The following PPP3CA variants were observed in gnomAD, a reference collection of about 807,000 sequenced individuals.
PPP3CA encodes the protein CAM-PRP catalytic subunit.
A neutral mutation model predicts 66.5 loss-of-function variants in PPP3CA; 14 were observed. That is an observed-to-expected ratio of 0.21 (90% CI 0.14 to 0.33). The LOEUF (loss-of-function observed/expected upper bound fraction) is 0.33. PPP3CA is among the 10% of genes least tolerant of loss of function. The probability of loss-of-function intolerance (pLI) is 1.00; values close to 1 mark genes in which losing one functional copy is unlikely to be tolerated. For synonymous variants in PPP3CA, 232 were observed against 226.2 expected (o/e 1.03, Z -0.23); for missense variants, 317 against 639.5 (o/e 0.50, Z 5.44).
chr4:101,222,250 T>C (rs1363017205), intron 1 of PPP3CA, among the ~76,000 whole-genome samples: 1 of 151,664 alleles, frequency 6.6e-6, no homozygotes, highest in East Asian at 1.9e-4. Context: ...TTCCTTTAGT[T>C]AGGAGAGAAA....
intron 1 of PPP3CA, among the ~76,000 whole-genome samples, chr4:101,334,092 G>T (rs1729545422): frequency 6.6e-6 from 1 of 151,572 alleles, no homozygotes; most frequent in African/African-American, 2.4e-5. Flanking sequence ...CCGAGCAGGA[G>T]ATTATATCAT....
chr4:101,222,230 C>T (rs938430312), intron 1 of PPP3CA, among the ~76,000 whole-genome samples: 7 of 151,566 alleles, frequency 4.6e-5, no homozygotes, highest in Non-Finnish European at 1.0e-4. Flanking sequence ...ATGACAAACA[C>T]ATTGTTCTTT....
At chr4:101,029,347 T>TAAAAAAACAAAAAAA (rs1726816992) in intron 12 of PPP3CA, 152 bp from the exon 13 acceptor site, 1 of 78,822 alleles carries the variant, frequency 1.3e-5, no homozygotes, top group Non-Finnish European at 2.1e-5. Context: ...ACAGAAATGC[T>TAAAAAAACAAAAAAA]AAAAAAAAAA....
chr4:101,139,449 A>T (rs1031247482), intron 2 of PPP3CA, among the ~76,000 whole-genome samples: 1 of 152,138 alleles, frequency 6.6e-6, no homozygotes, highest in Non-Finnish European at 1.5e-5. Context: ...ATGTTCATAC[A>T]AATTTATGCA....
At chr4:101,108,447 C>T (rs551110218) in intron 3 of PPP3CA, among the ~76,000 whole-genome samples, 2 of 152,172 alleles carry the variant, frequency 1.3e-5, no homozygotes, top group African/African-American at 4.8e-5. Context: ...TACTATTTAC[C>T]ATTTTTTGGC....
intron 2 of PPP3CA, among the ~76,000 whole-genome samples, chr4:101,191,868 G>A (rs1288689690): frequency 2.6e-5 from 4 of 152,084 alleles, no homozygotes; most frequent in Admixed American, 1.3e-4. Flanking sequence ...GGCAGGCCCC[G>A]GCACTGAGGG....
At chr4:101,315,590 T>A (rs1728859592) in intron 1 of PPP3CA, among the ~76,000 whole-genome samples, 1 of 152,164 alleles carries the variant, frequency 6.6e-6, no homozygotes, top group African/African-American at 2.4e-5. Context: ...ACAAGAAAGG[T>A]CCTATTCACT....
intron 2 of PPP3CA, among the ~76,000 whole-genome samples, chr4:101,139,695 T>G (rs1250085946): frequency 8.3e-6 from 1 of 120,746 alleles, no homozygotes; most frequent in Non-Finnish European, 1.7e-5. Context: ...GTTTTTTTTG[T>G]GTTTTTTTTT....
chr4:101,126,017 T>A (rs1722234867), intron 2 of PPP3CA, among the ~76,000 whole-genome samples: 1 of 152,182 alleles, frequency 6.6e-6, no homozygotes, highest in South Asian at 2.1e-4. Flanking sequence ...GGAAGAGAGA[T>A]GTGCAGGTAA....
intron 2 of PPP3CA, among the ~76,000 whole-genome samples, chr4:101,162,044 G>A (rs3017892): frequency 0.39 from 59,916 of 151,898 alleles, 13,018 homozygotes; most frequent in African/African-American, 0.57. Context: ...GTTCGAAACC[G>A]GCCTGGCCAA....
intron 1 of PPP3CA, among the ~76,000 whole-genome samples, chr4:101,292,465 C>T (rs1046716960): frequency 6.6e-6 from 1 of 152,186 alleles, no homozygotes; most frequent in African/African-American, 2.4e-5. Context: ...ACCACATGGC[C>T]TCTAAATCAG....
intron 1 of PPP3CA, among the ~76,000 whole-genome samples, chr4:101,224,678 A>C (rs1158503178): frequency 6.6e-6 from 1 of 151,844 alleles, no homozygotes; most frequent in African/African-American, 2.4e-5. Context: ...TTACAAATAT[A>C]AAGTCTTCTG....
intron 8 of PPP3CA, among the ~76,000 whole-genome samples, chr4:101,079,517 T>A (rs1454203642): frequency 6.6e-6 from 1 of 152,040 alleles, no homozygotes; most frequent in African/African-American, 2.4e-5. Flanking sequence ...TAGCTGGGAC[T>A]ACAGGCACTC....
intron 1 of PPP3CA, among the ~76,000 whole-genome samples, chr4:101,283,503 A>C (rs1268244066): frequency 6.6e-6 from 1 of 152,228 alleles, no homozygotes; most frequent in African/African-American, 2.4e-5. Flanking sequence ...GGTGCAATAC[A>C]AGTAAATTAA....
chr4:101,307,589 A>C (rs892803160), intron 1 of PPP3CA, among the ~76,000 whole-genome samples: 1 of 152,194 alleles, frequency 6.6e-6, no homozygotes, highest in Non-Finnish European at 1.5e-5. Context: ...TGCCATTCTT[A>C]CTATAAAATG....
At position 101,080,641 on chromosome 4, in the gene PPP3CA, T is replaced by A. The variant is rs1729395404; in HGVS notation, c.861-15A>T. 1 of 1,418,458 alleles carries A rather than the reference T, an allele frequency of 7.0e-7. No homozygotes were observed. Among genetic ancestry groups the A allele is most frequent in the Admixed American group, 2.0e-5 (1 of 50,346 alleles). The allele number at this position is 1,418,458 out of a possible 1,614,324, so 87.9% of individuals were successfully genotyped here. A position where few individuals can be genotyped will look rare whatever the true frequency, so the allele number is the denominator to read the frequency against. On this transcript the variant is annotated splice_polypyrimidine_tract_variant and intron_variant, in intron 7 of 13. Transcript: ENST00000394854. Reference sequence around the variant, plus strand: ...ACATGCGGTACCTAAAAAGAACAAATACAGTCAAAACAAAGCTTGTATGGA... The same window carrying A: ...ACATGCGGTACCTAAAAAGAACAAAAACAGTCAAAACAAAGCTTGTATGGA...
At chr4:101,326,039 T>C (rs1195798401) in intron 1 of PPP3CA, among the ~76,000 whole-genome samples, 1 of 152,034 alleles carries the variant, frequency 6.6e-6, no homozygotes, top group African/African-American at 2.4e-5. Context: ...CTCAGAAGGC[T>C]GAAGCAGAAT....
At chr4:101,198,610 G>A (rs1724873497) in intron 1 of PPP3CA, among the ~76,000 whole-genome samples, 1 of 152,138 alleles carries the variant, frequency 6.6e-6, no homozygotes, top group Non-Finnish European at 1.5e-5. Context: ...GCACTTGCTG[G>A]CCTGATTAAA....
chr4:101,106,454 A>AAAGAAAGAAAGG (rs5860656), intron 3 of PPP3CA, among the ~76,000 whole-genome samples: 6 of 7,162 alleles, frequency 8.4e-4, no homozygotes, highest in Non-Finnish European at 2.5e-4. Flanking sequence ...AGAAAGAAAG[A>AAAGAAAGAAAGG]GAAAAGAAAA....
Sources: allele counts gnomAD v4.1 joint callset (sites outside exome capture counted in the v4.1 genomes callset), GRCh38; gene constraint gnomAD v4.1.1; transcripts MANE v1.5; gene names NCBI Gene and HGNC (gene_info 2026-07-23, HGNC 2026-07-21).